The following CAMTA1 variants were observed in gnomAD, a reference collection of about 807,000 sequenced individuals.
CAMTA1 encodes the protein calmodulin binding transcription activator 1, also known as calmodulin-binding transcription activator 1.
In CAMTA1, 27 loss-of-function variants were observed where a neutral mutation model predicts 170.9. The ratio of observed to expected loss-of-function variants is 0.16; its 90% CI spans 0.12 to 0.22. The LOEUF (loss-of-function observed/expected upper bound fraction) is 0.22, where lower values mean the gene tolerates loss of function less well. CAMTA1 is among the 10% of genes least tolerant of loss of function. CAMTA1 has a pLI of 1.00. For missense variants in CAMTA1, 1,619 were observed against 2,217.2 expected (o/e 0.73, Z 5.42); for synonymous variants, 833 against 891.5 (o/e 0.93, Z 1.17).
intron 6 of CAMTA1, among the ~76,000 whole-genome samples, chr1:7,469,696 C>T: frequency 6.6e-6 from 1 of 152,174 alleles, no homozygotes; most frequent in East Asian, 1.9e-4. Context: ...TTCTCCTGCA[C>T]CCACGCCTCC....
intron 5 of CAMTA1, among the ~76,000 whole-genome samples, chr1:7,422,243 G>A (rs2091610424): frequency 6.6e-6 from 1 of 152,054 alleles, no homozygotes; most frequent in Non-Finnish European, 1.5e-5. Context: ...GTGGGTCCTG[G>A]TGCCCATGCT....
At position 7,481,612 on chromosome 1, in the gene CAMTA1, G is replaced by A. The variant is rs141482062; in HGVS notation, c.510+13711G>A. Among the ~76,000 whole-genome samples, 340 of 152,200 alleles carry A rather than the reference G, an allele frequency of 2.2e-3. 2 individuals are homozygous for A. Among genetic ancestry groups the A allele is most frequent in the Non-Finnish European group, 1.2e-3 (81 of 68,032 alleles). The stretch of plus-strand genomic sequence containing the variant: ...GATATACAGAAAAGTTGAGAGAATT[G>A]TACACACACCCGTACAGCTGCCACC... On this transcript the variant is annotated intron_variant, in intron 6 of 22. Coordinates refer to ENST00000303635, the MANE Select transcript of CAMTA1 (RefSeq NM_015215.4).
intron 11 of CAMTA1, among the ~76,000 whole-genome samples, chr1:7,718,860 T>TA: frequency 6.7e-6 from 1 of 148,740 alleles, no homozygotes; most frequent in African/African-American, 2.5e-5. Flanking sequence ...GCCCTTTTTT[T>TA]TTTTTTTTTA....
At chr1:7,259,294 TC>T (rs1214285109) in intron 5 of CAMTA1, among the ~76,000 whole-genome samples, 1 of 152,138 alleles carries the variant, frequency 6.6e-6, no homozygotes, top group Non-Finnish European at 1.5e-5. Context: ...TCCTTGCACT[TC>T]GTAATTCAAC....
At position 6,887,675 on chromosome 1, in the gene CAMTA1, A is replaced by G. The variant is rs1169192275; in HGVS notation, c.234+62465A>G. ...TCAGGCTCTCACCACACACTTGTTC[A>G]TGGGCGCAGCAAAGAAGAGGGATCC... On this transcript the variant is annotated intron_variant, in intron 3 of 22. Transcript: ENST00000303635. This position sits in a 1 kb window ranked among gnomAD's most constrained non-coding sequence, Gnocchi z 4.1. 11 of 1,535,306 alleles carry G rather than the reference A, an allele frequency of 7.2e-6. No individual in the cohort carries two copies. The highest frequency in any genetic ancestry group is 9.6e-6 in the Non-Finnish European group (11 of 1,146,642).
At chr1:7,515,168 C>T (rs2094265897) in intron 6 of CAMTA1, among the ~76,000 whole-genome samples, 1 of 151,724 alleles carries the variant, frequency 6.6e-6, no homozygotes, top group East Asian at 1.9e-4. Flanking sequence ...CCGGCTCCCT[C>T]CACCTGGGAT....
At chr1:7,068,079 T>C (rs1195674519) in intron 3 of CAMTA1, among the ~76,000 whole-genome samples, 1 of 152,216 alleles carries the variant, frequency 6.6e-6, no homozygotes, top group Non-Finnish European at 1.5e-5. Flanking sequence ...ACCTCCAGAC[T>C]TCTTGTGACA....
intron 6 of CAMTA1, among the ~76,000 whole-genome samples, chr1:7,497,304 C>A (rs1475654312): frequency 1.3e-5 from 2 of 152,098 alleles, no homozygotes; most frequent in African/African-American, 4.8e-5. Flanking sequence ...GCCACCTCCC[C>A]CATGTCAACA....
At position 7,733,218 on chromosome 1, in the gene CAMTA1, A is replaced by G. The variant is rs976205483; in HGVS notation, c.3066+619A>G. On this transcript the variant is annotated intron_variant, in intron 12 of 22. Coordinates refer to ENST00000303635, the MANE Select transcript of CAMTA1 (RefSeq NM_015215.4). Reference sequence around the variant, plus strand: ...CCCTGTCTCAAAAAGAAGAAGAAGAAAAAAAAAGGCCAGATGGTGACTTAG... The same window carrying G: ...CCCTGTCTCAAAAAGAAGAAGAAGAGAAAAAAAGGCCAGATGGTGACTTAG... Among the ~76,000 whole-genome samples, 4 of 151,890 alleles carry G rather than the reference A, an allele frequency of 2.6e-5. 1 individual carries two copies. The highest frequency in any genetic ancestry group is 5.9e-5 in the Non-Finnish European group (4 of 67,966).
chr1:7,500,566 G>A (rs1284580472), intron 6 of CAMTA1, among the ~76,000 whole-genome samples: 2 of 152,136 alleles, frequency 1.3e-5, no homozygotes, highest in Non-Finnish European at 2.9e-5. Flanking sequence ...TGAGGACGCG[G>A]CCCTGCTCCC....
chr1:6,938,256 T>C (rs1204737228), intron 3 of CAMTA1, among the ~76,000 whole-genome samples: 1 of 152,220 alleles, frequency 6.6e-6, no homozygotes, highest in East Asian at 1.9e-4. Flanking sequence ...GGGGATTTCC[T>C]TTCCCATGTG....
At chr1:7,163,495 G>A (rs1190962916) in intron 4 of CAMTA1, among the ~76,000 whole-genome samples, 1 of 152,172 alleles carries the variant, frequency 6.6e-6, no homozygotes, top group African/African-American at 2.4e-5. Context: ...AGCGAGGGAC[G>A]GCAGTGATAT....
At chr1:7,492,593 ACG>A (rs1200315108) in intron 6 of CAMTA1, among the ~76,000 whole-genome samples, 7 of 134,868 alleles carry the variant, frequency 5.2e-5, no homozygotes, top group East Asian at 2.2e-4. Flanking sequence ...ACATACACAC[ACG>A]CGTGCACACA....
intron 5 of CAMTA1, among the ~76,000 whole-genome samples, chr1:7,354,214 T>C (rs1477965445): frequency 2.0e-5 from 3 of 151,374 alleles, no homozygotes; most frequent in Non-Finnish European, 4.4e-5. Flanking sequence ...AGTGGCACGA[T>C]CTTGGCTCAC....
intron 5 of CAMTA1, among the ~76,000 whole-genome samples, chr1:7,425,247 T>C (rs943762117): frequency 6.6e-6 from 1 of 152,172 alleles, no homozygotes; most frequent in Non-Finnish European, 1.5e-5. Flanking sequence ...GAAGGTGCAC[T>C]GCCCAAAGCT....
chr1:7,359,837 A>G (rs1458103232), intron 5 of CAMTA1, among the ~76,000 whole-genome samples: 1 of 152,162 alleles, frequency 6.6e-6, no homozygotes, highest in Non-Finnish European at 1.5e-5. Context: ...GGGGTTTTTC[A>G]GAGCTAGTGG....
At chr1:7,163,467 C>T (rs757105130) in intron 4 of CAMTA1, among the ~76,000 whole-genome samples, 7 of 152,066 alleles carry the variant, frequency 4.6e-5, no homozygotes, top group Non-Finnish European at 8.8e-5. Context: ...CAGGAGTCCA[C>T]AGATGGCAGT....
chr1:7,019,405 G>A (rs1056373960), intron 3 of CAMTA1, among the ~76,000 whole-genome samples: 3 of 152,226 alleles, frequency 2.0e-5, no homozygotes, highest in Non-Finnish European at 4.4e-5. Flanking sequence ...TTCAGGCTGT[G>A]TGTGTAAATT....
intron 19 of CAMTA1, 36 bp downstream of exon 19, chr1:7,747,817 G>A: frequency 4.6e-6 from 7 of 1,513,110 alleles, no homozygotes; most frequent in Non-Finnish European, 6.4e-6. Flanking sequence ...AGGAAACTGT[G>A]CCCCACCCAA....
Sources: allele counts gnomAD v4.1 joint callset (sites outside exome capture counted in the v4.1 genomes callset), GRCh38; gene constraint gnomAD v4.1.1; non-coding constraint Gnocchi (gnomAD v3.1); transcripts MANE v1.5; gene names NCBI Gene and HGNC (gene_info 2026-07-23, HGNC 2026-07-21).